Variants in CHIC1 observed in about 807,000 individuals in gnomAD.
The protein encoded by CHIC1 is cysteine rich hydrophobic domain 1.
Under a neutral mutation model 18.5 loss-of-function variants are expected in CHIC1, and 7 were observed. That is an observed-to-expected ratio of 0.38 (90% CI 0.22 to 0.71). CHIC1 has a LOEUF of 0.71. Among genes scored for constraint, CHIC1 ranks in the 30% least tolerant of loss-of-function variants. The pLI, the probability that CHIC1 is intolerant of heterozygous loss-of-function variation, is 0.49. For missense variants in CHIC1, 159 were observed against 176.9 expected (o/e 0.90, Z 0.57); for synonymous variants, 77 against 73.5 (o/e 1.05, Z -0.25).
rs1305895178 is a variant in CHIC1, at chrX:73,602,935, G to A, written c.507+18363G>A. On this transcript the variant is annotated intron_variant, in intron 3 of 5. Coordinates refer to ENST00000373502, the MANE Select transcript of CHIC1 (RefSeq NM_001039840.4). ...TTACTATAGCCTTGTAGTATAATTC[G>A]AAGTCAGATAGCGTGATGCCTCCAG... Among the ~76,000 whole-genome samples the A allele has an allele frequency of 2.8e-5, 3 of 108,755 alleles. 1 individual carries two copies. The highest frequency in any genetic ancestry group is 7.1e-5 in the African/African-American group (2 of 28,011). The allele number at this position is 108,755 out of a possible 115,157, so 94.4% of individuals were successfully genotyped here.
intron 2 of CHIC1, among the ~76,000 whole-genome samples, chrX:73,581,689 T>C (rs1393254740): frequency 9.0e-6 from 1 of 110,814 alleles, no homozygotes; most frequent in Non-Finnish European, 1.9e-5. Flanking sequence ...ATATTTGTCT[T>C]ATGACCTCAA....
chrX:73,633,240 C>T (rs920374528), intron 3 of CHIC1, among the ~76,000 whole-genome samples: 1 of 108,199 alleles, frequency 9.2e-6, no homozygotes, highest in Admixed American at 9.9e-5. Flanking sequence ...CCACTGCCCC[C>T]CCACATTTGT....
chrX:73,653,600 A>G (rs1447039927), intron 3 of CHIC1, among the ~76,000 whole-genome samples: 1 of 111,943 alleles, frequency 8.9e-6, no homozygotes, highest in East Asian at 2.8e-4. Context: ...GAAGAATGTA[A>G]TTTGTATTGT....
intron 1 of CHIC1, among the ~76,000 whole-genome samples, chrX:73,577,126 T>C (rs1312470814): frequency 1.8e-5 from 2 of 110,606 alleles, no homozygotes. Flanking sequence ...TCCAGCTCAA[T>C]ATGTGTTTCT....
chrX:73,674,263 A>G (rs6607915), intron 3 of CHIC1, among the ~76,000 whole-genome samples: 23,908 of 111,168 alleles, frequency 0.22, 2,457 homozygotes, highest in African/African-American at 0.39. Context: ...GACTTAGGGC[A>G]GATTCCCTCT....
chrX:73,613,688 C>A (rs1201026894), intron 3 of CHIC1, among the ~76,000 whole-genome samples: 1 of 111,996 alleles, frequency 8.9e-6, no homozygotes, highest in Non-Finnish European at 1.9e-5. Context: ...TTCAGCCAGT[C>A]TGTTTCTTTT....
At chrX:73,659,238 A>T (rs2057967058) in intron 3 of CHIC1, among the ~76,000 whole-genome samples, 2 of 111,633 alleles carry the variant, frequency 1.8e-5, no homozygotes, top group South Asian at 7.4e-4. Context: ...CAGGCTCTGG[A>T]TAAGAGAATT....
intron 3 of CHIC1, among the ~76,000 whole-genome samples, chrX:73,634,664 A>G (rs2057823383): frequency 9.0e-6 from 1 of 111,607 alleles, no homozygotes; most frequent in Non-Finnish European, 1.9e-5. Context: ...TTTAAACTGC[A>G]CACTGATTGT....
chrX:73,574,926 G>T (rs2057489923), intron 1 of CHIC1, among the ~76,000 whole-genome samples: 1 of 109,475 alleles, frequency 9.1e-6, no homozygotes, highest in Non-Finnish European at 1.9e-5. Flanking sequence ...ATTTTCTTCT[G>T]CTAGCTCTGG....
At chrX:73,676,333 A>G (rs1226758155) in intron 3 of CHIC1, among the ~76,000 whole-genome samples, 1 of 111,801 alleles carries the variant, frequency 8.9e-6, no homozygotes, top group East Asian at 2.8e-4. Context: ...GTGTTTTCCA[A>G]CTTGGATCCA....
At position 73,662,768 on chromosome X, in the gene CHIC1, T is replaced by C. The variant is rs139114213; in HGVS notation, c.508-16558T>C. On this transcript the variant is annotated intron_variant, in intron 3 of 5. Transcript: ENST00000373502. ...AACATTTGTAGTTTTTCAGGTGCTA[T>C]GATTAAACCTCTTAACTGTATTCTT... Among the ~76,000 whole-genome samples the C allele has an allele frequency of 3.6e-5, 4 of 110,871 alleles. No individual in the cohort carries two copies. In the East Asian group the frequency reaches 1.1e-3, roughly 32 times the overall value.
intron 3 of CHIC1, among the ~76,000 whole-genome samples, chrX:73,647,729 C>T (rs1055663549): frequency 3.6e-5 from 4 of 112,398 alleles, no homozygotes; most frequent in African/African-American, 1.3e-4. Context: ...GGCCTGAGCC[C>T]CTAGGGGAAG....
intron 3 of CHIC1, among the ~76,000 whole-genome samples, chrX:73,618,967 G>A (rs113059551): frequency 8.0e-5 from 9 of 112,164 alleles, no homozygotes; most frequent in Admixed American, 2.8e-4. Context: ...AGAGCCCACA[G>A]GGCACTTCCT....
In CHIC1 at chrX:73,685,144, C is replaced by T. The variant is rs766483536; in HGVS notation, c.*4139C>T. 9.0e-6 allele frequency: 1 copy of T among 111,706 alleles called. No homozygotes were observed. Among genetic ancestry groups the T allele is most frequent in the Non-Finnish European group, 1.9e-5 (1 of 52,941 alleles). 9.2% of individuals were successfully genotyped at this position (111,706 alleles called of 1,213,427 possible). On this transcript the variant is annotated 3_prime_UTR_variant, in exon 6 of 6. Coordinates refer to ENST00000373502, the MANE Select transcript of CHIC1 (RefSeq NM_001039840.4). ...AATCTCAGAATGATTATTCTCAGAT[C>T]TACTGTCCTTGGTGGAAACTCTCAC...
chrX:73,645,086 G>A (rs2057882069), intron 3 of CHIC1, among the ~76,000 whole-genome samples: 1 of 112,368 alleles, frequency 8.9e-6, no homozygotes, highest in South Asian at 3.7e-4. Flanking sequence ...CTGTAGACCA[G>A]AGCTGTTCCT....
intron 3 of CHIC1, among the ~76,000 whole-genome samples, chrX:73,652,163 G>A (rs948665499): frequency 8.1e-5 from 9 of 111,647 alleles, no homozygotes; most frequent in Middle Eastern, 4.7e-3. Flanking sequence ...AAATGGTGCC[G>A]GGAGAACTGG....
Position 73,668,304 on chromosome X carries a change from A to G in CHIC1, c.508-11022A>G, listed in dbSNP as rs142670971. On this transcript the variant is annotated intron_variant, in intron 3 of 5. Transcript: ENST00000373502. ...TAGCTTCTTGGCATTGGGTTACAACATGCTCCTTTAGCTCAGCAAATTTCA... is the reference window on the plus strand; with the variant it reads ...TAGCTTCTTGGCATTGGGTTACAACGTGCTCCTTTAGCTCAGCAAATTTCA... Among the ~76,000 whole-genome samples, 1,056 of 111,758 alleles carry G rather than the reference A, an allele frequency of 9.4e-3. 6 individuals carry two copies. The highest frequency in any genetic ancestry group is 0.033 in the African/African-American group (1,025 of 30,701).
In CHIC1 at chrX:73,605,640, G is replaced by A. The variant is rs185435172; in HGVS notation, c.507+21068G>A. ...TTGCAGTAGCTGTTACTGATTTTTCGTTTCCATGTTTAGTGCTTCCTTCAG... is the reference window on the plus strand; with the variant it reads ...TTGCAGTAGCTGTTACTGATTTTTCATTTCCATGTTTAGTGCTTCCTTCAG... On this transcript the variant is annotated intron_variant, in intron 3 of 5. Transcript: ENST00000373502. Among the ~76,000 whole-genome samples, 12 of 108,398 alleles carry A rather than the reference G, an allele frequency of 1.1e-4. No homozygotes were observed. The East Asian group carries it at 2.3e-3, about 20-fold the overall frequency. 94.1% of individuals were successfully genotyped at this position (108,398 alleles called of 115,157 possible).
intron 3 of CHIC1, among the ~76,000 whole-genome samples, chrX:73,668,500 C>T (rs1603350387): frequency 9.0e-6 from 1 of 111,258 alleles, no homozygotes. Context: ...GGATTATCTA[C>T]CTTTGATTTT....
Sources: allele counts gnomAD v4.1 joint callset (sites outside exome capture counted in the v4.1 genomes callset), GRCh38; gene constraint gnomAD v4.1.1; transcripts MANE v1.5; gene names NCBI Gene and HGNC (gene_info 2026-07-23, HGNC 2026-07-21).